Variants in GCN1 observed in about 807,000 individuals in gnomAD.
The protein encoded by GCN1 is GCN1 activator of EIF2AK4.
In GCN1, 90 loss-of-function variants were observed where a neutral mutation model predicts 288.4. The ratio of observed to expected loss-of-function variants is 0.31; its 90% confidence interval spans 0.26 to 0.37. GCN1 has a LOEUF of 0.37. GCN1 is among the 10% of genes least tolerant of loss of function. The pLI is 1.00. For synonymous variants in GCN1, 1,386 were observed against 1,420.2 expected (o/e 0.98, Z 0.54); for missense variants, 2,586 against 3,419.9 (o/e 0.76, Z 6.08).
chr12:120,189,778 G>C (rs992143023), intron 2 of GCN1, among the ~76,000 whole-genome samples: 1 of 151,334 alleles, frequency 6.6e-6, no homozygotes, highest in African/African-American at 2.4e-5. Flanking sequence ...CAGGAGTTCA[G>C]GACCAGCCTG....
chr12:120,149,758 C>A, intron 35 of GCN1, 38 bp from the exon 36 acceptor site: 3 of 1,576,504 alleles, frequency 1.9e-6, no homozygotes, highest in Non-Finnish European at 2.6e-6. Flanking sequence ...GGCCTCCTCA[C>A]CCAAGCAAGG....
Position 120,153,723 on chromosome 12 carries a change from C to T in GCN1, c.3867+21G>A, listed in dbSNP as rs1877646371. ...ACCCCCTTACCTTCCCGTGGGTGTTCCCTGGCTGGGACCCCCTTACCTTCC... is the reference window on the plus strand; with the variant it reads ...ACCCCCTTACCTTCCCGTGGGTGTTTCCTGGCTGGGACCCCCTTACCTTCC... On this transcript the variant is annotated intron_variant, in intron 32 of 57. Transcript: ENST00000300648. This position sits in a 1 kb window ranked among gnomAD's most constrained non-coding sequence, Gnocchi z 4.4. 1 of 1,610,448 alleles carries T rather than the reference C, an allele frequency of 6.2e-7. No individual in the cohort carries two copies.
chr12:120,161,665 CT>C (rs1877931744), intron 21 of GCN1, 82 bp from the exon 22 acceptor site: 1 of 1,090,156 alleles, frequency 9.2e-7, no homozygotes, highest in Non-Finnish European at 1.4e-6. Flanking sequence ...GCAATTCCAA[CT>C]AGCTGTTAAG....
intron 14 of GCN1, among the ~76,000 whole-genome samples, chr12:120,173,417 T>C (rs1242257050): frequency 6.6e-6 from 1 of 152,194 alleles, no homozygotes; most frequent in Admixed American, 6.5e-5. Flanking sequence ...CTGGTTCTGG[T>C]CCTCTCTGAA....
intron 16 of GCN1, among the ~76,000 whole-genome samples, chr12:120,166,913 C>G (rs904913877): frequency 6.6e-6 from 1 of 151,684 alleles, no homozygotes; most frequent in Non-Finnish European, 1.5e-5. Flanking sequence ...ACTCAGGAAG[C>G]TGAGGTGGGA....
In GCN1 at chr12:120,153,113, C is replaced by G. The variant is rs995136902; in HGVS notation, c.4062+100G>C. ...CTTAACAAGAACTGGGCTTTCAGGG[C>G]CCTGATTGTCCAACTCCACCCCTAG... is the stretch of plus-strand genomic sequence containing the variant. On this transcript the variant is annotated intron_variant, in intron 33 of 57. Transcript: ENST00000300648. The surrounding 1 kb of genome is among the most constrained non-coding windows in gnomAD (Gnocchi z 4.4). 7 of 947,784 alleles carry G rather than the reference C, an allele frequency of 7.4e-6. No individual in the cohort carries two copies. The highest frequency in any genetic ancestry group is 3.2e-5 in the South Asian group (2 of 62,206). The allele number at this position is 947,784 out of a possible 1,614,324, so 58.7% of individuals were successfully genotyped here.
intron 2 of GCN1, among the ~76,000 whole-genome samples, chr12:120,189,883 G>A (rs1878948957): frequency 6.6e-6 from 1 of 152,250 alleles, no homozygotes; most frequent in Non-Finnish European, 1.5e-5. Context: ...AGAGGCTAAG[G>A]CATGAGAATC....
At chr12:120,181,896 C>T (rs1878677699) in intron 5 of GCN1, among the ~76,000 whole-genome samples, 1 of 150,892 alleles carries the variant, frequency 6.6e-6, no homozygotes, top group Non-Finnish European at 1.5e-5. Flanking sequence ...CCTGTAATCC[C>T]TGCACTTTGG....
Position 120,129,411 on chromosome 12 carries a change from C to G in GCN1, c.7755G>C (p.Leu2585=). 1 of 1,613,924 alleles carries G rather than the reference C, an allele frequency of 6.2e-7. No homozygotes were observed. Among genetic ancestry groups the G allele is most frequent in the East Asian group, 2.2e-5 (1 of 44,872 alleles). Reference sequence around the variant, plus strand: ...GGATGGGCTTGATGGCCTGGGGGTCCAGGGGAGGCAGTGGGTCCTTATTTG... The same window carrying G: ...GGATGGGCTTGATGGCCTGGGGGTCGAGGGGAGGCAGTGGGTCCTTATTTG... ...WWANKDPLPP[L]DPQAIKPILK... The change falls in exon 57 of 58, where the codon CTG becomes CTC. Residue 2585 remains leucine (L), a synonymous_variant. Coordinates refer to ENST00000300648, the MANE Select transcript of GCN1 (RefSeq NM_006836.2).
intron 20 of GCN1, 184 bp from the exon 21 acceptor site, chr12:120,162,242 CTCTG>C (rs1293718001): frequency 5.0e-6 from 3 of 597,908 alleles, no homozygotes; most frequent in Non-Finnish European, 8.9e-6. Context: ...AGCAGTGCTC[CTCTG>C]TCTGACACAG....
chr12:120,182,219 T>C (rs1331924582), intron 5 of GCN1, among the ~76,000 whole-genome samples: 1 of 151,608 alleles, frequency 6.6e-6, no homozygotes, highest in Non-Finnish European at 1.5e-5. Context: ...TTGCCCCTTC[T>C]TACAAGGAGG....
rs373593260 is a variant in GCN1, at chr12:120,134,423, C to T, written c.7203-18G>A. 57 of 1,603,596 alleles carry T rather than the reference C, an allele frequency of 3.6e-5. No homozygotes were observed. The highest frequency in any genetic ancestry group is 2.1e-4 in the African/African-American group (16 of 74,704). The stretch of plus-strand genomic sequence containing the variant: ...TGGTGTCCCTGCAGAAGCAATGCAC[C>T]GCCTTAAGCCCTGGGTGCCTCCACC... On this transcript the variant is annotated intron_variant, in intron 52 of 57. Transcript: ENST00000300648. This position sits in a 1 kb window ranked among gnomAD's most constrained non-coding sequence, Gnocchi z 5.0.
chr12:120,160,085 G>A, intron 23 of GCN1, 57 bp downstream of exon 23: 1 of 1,586,426 alleles, frequency 6.3e-7, no homozygotes, highest in South Asian at 1.1e-5. Context: ...GCAAGCAGCA[G>A]GACCAAGCTG....
chr12:120,193,916 A>G (rs1353630346), intron 1 of GCN1, among the ~76,000 whole-genome samples: 1 of 152,176 alleles, frequency 6.6e-6, no homozygotes, highest in African/African-American at 2.4e-5. Context: ...CTGTCCTTAG[A>G]CACCTGTTCT....
intron 5 of GCN1, among the ~76,000 whole-genome samples, chr12:120,180,280 C>T (rs960495257): frequency 2.6e-5 from 4 of 151,798 alleles, no homozygotes; most frequent in Admixed American, 1.3e-4. Flanking sequence ...GCCGAGATCA[C>T]GCCTTTGTAC....
intron 37 of GCN1, 52 bp downstream of exon 37, chr12:120,148,115 G>A: frequency 7.3e-7 from 1 of 1,360,924 alleles, no homozygotes. Flanking sequence ...GTGTCCAAAG[G>A]CTGCGGCGTT....
At chr12:120,191,628 T>C (rs1376938719) in intron 1 of GCN1, among the ~76,000 whole-genome samples, 3 of 152,248 alleles carry the variant, frequency 2.0e-5, no homozygotes, top group Admixed American at 1.3e-4. Flanking sequence ...CATAATTCTA[T>C]TGGCAATGAA....
Position 120,153,315 on chromosome 12 carries a change from C to G in GCN1, c.3960G>C (p.Val1320=), listed in dbSNP as rs1877630021. Residue 1320 remains valine, a synonymous_variant, in exon 33 of 58, where the codon GTG becomes GTC. Coordinates refer to ENST00000300648, the MANE Select transcript of GCN1 (RefSeq NM_006836.2). This position sits in a 1 kb window ranked among gnomAD's most constrained non-coding sequence, Gnocchi z 4.4. Reference sequence around the variant, plus strand: ...GCTTGGCCAGAGAGCCCATCAGGACCACCACACTCTGTCGCACAGCATCAT... The same window carrying G: ...GCTTGGCCAGAGAGCCCATCAGGACGACCACACTCTGTCGCACAGCATCAT... ...ASYDAVRQSV[V]VLMGSLAKHL... is the part of the protein sequence containing the mutation. 6.2e-7 allele frequency: 1 copy of G among 1,614,050 alleles called. No individual in the cohort carries two copies. Among genetic ancestry groups the G allele is most frequent in the African/African-American group, 1.3e-5 (1 of 74,932 alleles).
At position 120,137,594 on chromosome 12, in the gene GCN1, C is replaced by T; in HGVS notation, c.6614G>A (p.Ser2205Asn). Residue 2205 changes from serine (S) to asparagine (N), a missense_variant, in exon 49 of 58, where the codon AGC becomes AAC. Physicochemically the swap from Ser to Asn is conservative, Grantham distance 46. Transcript: ENST00000300648. This position sits in a 1 kb window ranked among gnomAD's most constrained non-coding sequence, Gnocchi z 5.2. ...SGLIRLFNDS[S>N]PVVLEESWDA... The stretch of plus-strand genomic sequence containing the variant: ...CCAGCTCTCCTCCAGAACCACAGGG[C>T]TGGAGTCATTGAAGAGGCGGATCAG... 1.2e-6 allele frequency: 2 copies of T among 1,614,164 alleles called. No homozygotes were observed. The highest frequency in any genetic ancestry group is 8.5e-7 in the Non-Finnish European group (1 of 1,180,038).
Sources: gnomAD v4.1 joint callset for allele counts (sites outside exome capture counted in the v4.1 genomes callset) on GRCh38, gnomAD v4.1.1 for gene constraint, Gnocchi (gnomAD v3.1) non-coding constraint, MANE v1.5 for transcripts, NCBI Gene and HGNC (gene_info 2026-07-23, HGNC 2026-07-21) for gene names.